TMEM117: variants seen among roughly 807,000 people sequenced by gnomAD.
The protein encoded by TMEM117 is transmembrane protein 117.
Under a neutral mutation model 52.4 loss-of-function variants are expected in TMEM117, and 27 were observed. That is an observed-to-expected ratio of 0.51 (90% CI 0.38 to 0.71). The LOEUF is 0.71. Among genes scored for constraint, TMEM117 ranks in the 30% least tolerant of loss-of-function variants. The pLI, the probability that TMEM117 is intolerant of heterozygous loss-of-function variation, is 0.00. For missense variants in TMEM117, 556 were observed against 630.5 expected, an observed-to-expected ratio of 0.88 and a Z score of 1.26; for synonymous variants, 215 against 206.3, an observed-to-expected ratio of 1.04 and a Z score of -0.36.
chr12:44,307,123 C>G (rs1341206679), intron 6 of TMEM117, among the ~76,000 whole-genome samples: 1 of 152,136 alleles, frequency 6.6e-6, no homozygotes, highest in Non-Finnish European at 1.5e-5. Flanking sequence ...TTTTAAAACC[C>G]CATTGACCTG....
chr12:44,125,907 A>C (rs903808692), intron 3 of TMEM117, among the ~76,000 whole-genome samples: 1 of 152,060 alleles, frequency 6.6e-6, no homozygotes, highest in Non-Finnish European at 1.5e-5. Context: ...AGATTCTCCT[A>C]ATTGTAGCTT....
rs576369911 is a variant in TMEM117, at chr12:44,058,183, C to T, written c.411-85342C>T. Among the ~76,000 whole-genome samples the T allele has an allele frequency of 1.5e-3, 234 of 151,660 alleles. 1 individual carries two copies. The highest frequency in any genetic ancestry group is 2.6e-3 in the Non-Finnish European group (178 of 67,940). On this transcript the variant is annotated intron_variant, in intron 3 of 7. Coordinates refer to ENST00000266534, the MANE Select transcript of TMEM117 (RefSeq NM_032256.3). ...GGACAATCATCATACATGTTATTGA[C>T]ATCAGAGAGTGGGCAATTTAACCTT...
the TMEM117 span, among the ~76,000 whole-genome samples, chr12:43,803,823 T>C: frequency 6.6e-6 from 1 of 152,122 alleles, no homozygotes; most frequent in Non-Finnish European, 1.5e-5. Flanking sequence ...ACAAGTTACT[T>C]TTCCAAAGCA....
intron 3 of TMEM117, among the ~76,000 whole-genome samples, chr12:44,086,638 G>C (rs1433331888): frequency 6.6e-6 from 1 of 152,012 alleles, no homozygotes; most frequent in Non-Finnish European, 1.5e-5. Context: ...TGCTTTCTCA[G>C]TTTCTGGCTC....
chr12:43,866,360 C>A (rs1404152630), intron 2 of TMEM117, among the ~76,000 whole-genome samples: 1 of 150,854 alleles, frequency 6.6e-6, no homozygotes, highest in Non-Finnish European at 1.5e-5. Flanking sequence ...ATTGCTTGAG[C>A]CAAGGAGTTG....
intron 5 of TMEM117, among the ~76,000 whole-genome samples, chr12:44,220,507 G>T (rs1949774286): frequency 6.6e-6 from 1 of 152,124 alleles, no homozygotes. Flanking sequence ...TAGTTACAGG[G>T]ATAATTGTAG....
At chr12:43,936,793 A>G (rs925336944) in intron 2 of TMEM117, among the ~76,000 whole-genome samples, 10 of 152,164 alleles carry the variant, frequency 6.6e-5, no homozygotes, top group Admixed American at 5.9e-4. Flanking sequence ...AGGTCAATGC[A>G]TTTGCCAGAA....
chr12:43,831,855 G>GT (rs1942984692), upstream of TMEM117, among the ~76,000 whole-genome samples: 1 of 151,836 alleles, frequency 6.6e-6, no homozygotes, highest in South Asian at 2.1e-4. Context: ...ACTTCTTTCT[G>GT]TTTTTTTAAC....
chr12:43,828,867 C>A, the TMEM117 span, among the ~76,000 whole-genome samples: 2 of 152,232 alleles, frequency 1.3e-5, no homozygotes, highest in African/African-American at 2.4e-5. Flanking sequence ...TCTTTCCTAC[C>A]CTTTTTGCTG....
intron 6 of TMEM117, among the ~76,000 whole-genome samples, chr12:44,333,115 G>T (rs1951294638): frequency 6.6e-6 from 1 of 151,914 alleles, no homozygotes; most frequent in African/African-American, 2.4e-5. Flanking sequence ...AAACCACCCA[G>T]ACAATTTATA....
intron 5 of TMEM117, among the ~76,000 whole-genome samples, chr12:44,227,411 G>T (rs1226214819): frequency 6.6e-6 from 1 of 152,012 alleles, no homozygotes; most frequent in African/African-American, 2.4e-5. Flanking sequence ...CTGAAATCAT[G>T]CCACTGCACT....
At chr12:43,932,227 A>G (rs1484019531) in intron 2 of TMEM117, among the ~76,000 whole-genome samples, 3 of 151,896 alleles carry the variant, frequency 2.0e-5, no homozygotes, top group African/African-American at 7.2e-5. Flanking sequence ...GAGTCTAGAT[A>G]AAATAGAGAA....
intron 3 of TMEM117, among the ~76,000 whole-genome samples, chr12:44,120,765 G>T (rs1948220648): frequency 1.3e-5 from 2 of 152,110 alleles, no homozygotes; most frequent in African/African-American, 4.8e-5. Flanking sequence ...ACCTCGTCCT[G>T]GTTTCTGGGT....
chr12:44,055,494 T>G (rs978413584), intron 3 of TMEM117, among the ~76,000 whole-genome samples: 13 of 152,122 alleles, frequency 8.5e-5, no homozygotes, highest in Non-Finnish European at 1.3e-4. Context: ...AAAATCAACC[T>G]TAGGAAAAAT....
At chr12:44,315,203 T>C (rs1410258426) in intron 6 of TMEM117, among the ~76,000 whole-genome samples, 1 of 152,182 alleles carries the variant, frequency 6.6e-6, no homozygotes, top group Non-Finnish European at 1.5e-5. Context: ...AGAGCCAACT[T>C]TTGGGTTCAT....
chr12:44,094,058 T>C (rs1373363479), intron 3 of TMEM117, among the ~76,000 whole-genome samples: 1 of 152,126 alleles, frequency 6.6e-6, no homozygotes, highest in East Asian at 1.9e-4. Flanking sequence ...GCTGTGTCCC[T>C]TATGATGTAT....
At chr12:44,378,860 T>C (rs2138856151) in intron 7 of TMEM117, among the ~76,000 whole-genome samples, 1 of 152,322 alleles carries the variant, frequency 6.6e-6, no homozygotes, top group East Asian at 1.9e-4. Context: ...TAATTGGGGA[T>C]GTCTCCTTTC....
At chr12:44,016,818 C>T (rs1307088677) in intron 3 of TMEM117, among the ~76,000 whole-genome samples, 1 of 152,184 alleles carries the variant, frequency 6.6e-6, no homozygotes, top group Non-Finnish European at 1.5e-5. Flanking sequence ...TAGGTTGCAT[C>T]AGTATCACCT....
the TMEM117 span, among the ~76,000 whole-genome samples, chr12:43,818,526 C>T: frequency 2.0e-5 from 3 of 151,986 alleles, no homozygotes; most frequent in African/African-American, 4.8e-5. Context: ...CTGCAATCTC[C>T]GCCTCCCGGG....
Sources: gnomAD v4.1 joint callset for allele counts (sites outside exome capture counted in the v4.1 genomes callset) on GRCh38, gnomAD v4.1.1 for gene constraint, MANE v1.5 for transcripts, NCBI Gene and HGNC (gene_info 2026-07-23, HGNC 2026-07-21) for gene names.